Variants in TSC22D2 observed in about 807,000 individuals in gnomAD.
TSC22D2 encodes the protein TSC22 domain family protein 2.
TSC22D2 carries 5 observed loss-of-function variants against 50.1 expected under a neutral mutation model. That is an observed-to-expected ratio of 0.10 (90% confidence interval 0.05 to 0.21). The LOEUF (loss-of-function observed/expected upper bound fraction) is 0.21. Among genes scored for constraint, TSC22D2 ranks in the 10% least tolerant of loss-of-function variants. TSC22D2 has a pLI of 1.00. For synonymous variants in TSC22D2, 501 were observed against 450.1 expected, an observed-to-expected ratio of 1.11 and a Z score of -1.43; for missense variants, 1,003 against 1,015.5, an observed-to-expected ratio of 0.99 and a Z score of 0.17.
chr3:150,442,213 C>CG lies in TSC22D2; in HGVS notation c.1959-14863_1959-14862insG, dbSNP rs1720740310. 3.3e-5 allele frequency among the ~76,000 whole-genome samples: 5 copies of CG among 152,000 alleles called. No individual in the cohort carries two copies. The South Asian group carries it at 1.0e-3, about 31-fold the overall frequency. On this transcript the variant is annotated intron_variant, in intron 1 of 2. Coordinates refer to ENST00000688009, the MANE Select transcript of TSC22D2 (RefSeq NM_001303264.2). ...TACTAATTCTTTCCTGATCCAAGAG[C>CG]TATGTGCCCCCAGAACACCCTCTAA...
intron 1 of TSC22D2, among the ~76,000 whole-genome samples, chr3:150,425,635 G>T (rs558632375): frequency 2.0e-5 from 3 of 151,982 alleles, no homozygotes; most frequent in East Asian, 3.9e-4. Context: ...CAGATTTTAG[G>T]CTCCTATTTA....
At chr3:150,444,677 A>T (rs1720822670) in intron 1 of TSC22D2, among the ~76,000 whole-genome samples, 1 of 152,228 alleles carries the variant, frequency 6.6e-6, no homozygotes, top group African/African-American at 2.4e-5. Context: ...TCTGTCATTC[A>T]CCATGTCTAA....
At position 150,410,190 on chromosome 3, in the gene TSC22D2, C is replaced by G. The variant is rs988678008; in HGVS notation, c.840C>G (p.Pro280=). Residue 280 remains proline, a synonymous_variant, in exon 1 of 3, where the codon CCC becomes CCG. Transcript: ENST00000688009. ...GGCAGCCACAGCCGCCGCCGCCACC[C>G]GTAGGTGGGGCTGTGGCTCAAAGCT... The part of the protein sequence containing the change: ...SVGQPQPPPP[P]VGGAVAQSSA... The G allele has an allele frequency of 5.0e-6, 8 of 1,605,720 alleles. No homozygotes were observed. The Middle Eastern group carries it at 1.2e-3, about 233-fold the overall frequency.
intron 1 of TSC22D2, among the ~76,000 whole-genome samples, chr3:150,430,722 A>G (rs1361547493): frequency 6.6e-6 from 1 of 152,164 alleles, no homozygotes; most frequent in African/African-American, 2.4e-5. Flanking sequence ...TTCAAGCTTT[A>G]GGAAAGGCCA....
intron 1 of TSC22D2, among the ~76,000 whole-genome samples, chr3:150,427,142 GT>G (rs1560083917): frequency 6.6e-6 from 1 of 152,082 alleles, no homozygotes; most frequent in African/African-American, 2.4e-5. Context: ...TAAAACTCAA[GT>G]TATGCAACTT....
intron 1 of TSC22D2, among the ~76,000 whole-genome samples, chr3:150,442,675 T>C (rs1720755359): frequency 6.6e-6 from 1 of 152,222 alleles, no homozygotes; most frequent in Non-Finnish European, 1.5e-5. Flanking sequence ...TCTAAAGTCA[T>C]ATCTCGGTTT....
At chr3:150,436,235 A>AT (rs953489475) in intron 1 of TSC22D2, among the ~76,000 whole-genome samples, 6 of 151,850 alleles carry the variant, frequency 4.0e-5, no homozygotes, top group Non-Finnish European at 7.4e-5. Context: ...CACCCTTAAA[A>AT]TTTTTTTTTG....
At chr3:150,423,168 G>T in intron 1 of TSC22D2, 1 of 1,381,704 alleles carries the variant, frequency 7.2e-7, no homozygotes, top group South Asian at 1.2e-5. Flanking sequence ...CTGTATGCAT[G>T]AATTGCTTTG....
chr3:150,435,354 T>C (rs1049702520), intron 1 of TSC22D2, among the ~76,000 whole-genome samples: 2 of 152,242 alleles, frequency 1.3e-5, no homozygotes, highest in African/African-American at 4.8e-5. Flanking sequence ...TTTGTACTAA[T>C]TTTTAAAGTA....
intron 1 of TSC22D2, among the ~76,000 whole-genome samples, chr3:150,442,540 T>G (rs994043757): frequency 1.3e-5 from 2 of 152,218 alleles, no homozygotes; most frequent in African/African-American, 4.8e-5. Context: ...CACTATAAAT[T>G]ATTACGGCAA....
chr3:150,425,326 A>G (rs2108073385), intron 1 of TSC22D2, among the ~76,000 whole-genome samples: 1 of 152,260 alleles, frequency 6.6e-6, no homozygotes, highest in Admixed American at 6.5e-5. Flanking sequence ...GAAGTTCGAG[A>G]CCAGCCTGGT....
At chr3:150,438,441 G>A (rs192725016) in intron 1 of TSC22D2, 45 of 180,026 alleles carry the variant, frequency 2.5e-4, no homozygotes, top group African/African-American at 1.0e-3. Context: ...AGCACATTGT[G>A]TAAGAGTATA....
intron 1 of TSC22D2, among the ~76,000 whole-genome samples, chr3:150,414,155 G>T (rs1719704677): frequency 6.6e-6 from 1 of 152,122 alleles, no homozygotes; most frequent in Non-Finnish European, 1.5e-5. Flanking sequence ...TTCTCAATTA[G>T]CATTGCCTAT....
In TSC22D2 at chr3:150,444,850, A is replaced by G. The variant is rs980618980; in HGVS notation, c.1959-12226A>G. On this transcript the variant is annotated intron_variant, in intron 1 of 2. Transcript: ENST00000688009. ...ACCCTTTAGATTTTATAGTAGTGCT[A>G]TTTTTTACTTTATGTCAGAATCCCT... 7.2e-5 allele frequency among the ~76,000 whole-genome samples: 11 copies of G among 152,100 alleles called. No homozygotes were observed. In the East Asian group the frequency reaches 9.6e-4, roughly 13 times the overall value.
chr3:150,450,813 T>C (rs1721017355), intron 1 of TSC22D2, among the ~76,000 whole-genome samples: 1 of 152,194 alleles, frequency 6.6e-6, no homozygotes, highest in African/African-American at 2.4e-5. Flanking sequence ...CGCATTTTCT[T>C]AATTTTCTTT....
intron 1 of TSC22D2, among the ~76,000 whole-genome samples, chr3:150,456,537 A>G (rs1361933804): frequency 6.6e-6 from 1 of 151,878 alleles, no homozygotes; most frequent in East Asian, 1.9e-4. Flanking sequence ...TTTCTGAACC[A>G]TTTTTAGAAG....
At chr3:150,434,728 T>C (rs1301404976) in intron 1 of TSC22D2, among the ~76,000 whole-genome samples, 1 of 152,178 alleles carries the variant, frequency 6.6e-6, no homozygotes. Context: ...GCTGTGTATT[T>C]GGTGTTTCTT....
chr3:150,417,853 T>G (rs1719871290), intron 1 of TSC22D2, among the ~76,000 whole-genome samples: 1 of 152,102 alleles, frequency 6.6e-6, no homozygotes, highest in South Asian at 2.1e-4. Context: ...GATGTTTTAG[T>G]CTAGACGAGT....
chr3:150,416,436 A>G (rs1231543343), intron 1 of TSC22D2, among the ~76,000 whole-genome samples: 1 of 152,160 alleles, frequency 6.6e-6, no homozygotes, highest in African/African-American at 2.4e-5. Context: ...ATGTGTAGCA[A>G]AACTCCTAAA....
Sources: gnomAD v4.1 joint callset for allele counts (sites outside exome capture counted in the v4.1 genomes callset) on GRCh38, gnomAD v4.1.1 for gene constraint, MANE v1.5 for transcripts, NCBI Gene and HGNC (gene_info 2026-07-23, HGNC 2026-07-21) for gene names.